FARP1: variants seen among roughly 807,000 people sequenced by gnomAD.
The protein encoded by FARP1 is FERM, ARHGEF and pleckstrin domain-containing protein 1.
Under a neutral mutation model 128.8 loss-of-function variants are expected in FARP1, and 52 were observed. The ratio of observed to expected loss-of-function variants is 0.40; its 90% CI spans 0.32 to 0.51. The LOEUF (loss-of-function observed/expected upper bound fraction) is 0.51, where lower values mean the gene tolerates loss of function less well. Among genes scored for constraint, FARP1 ranks in the 20% least tolerant of loss-of-function variants. The pLI is 0.45. For synonymous variants in FARP1, 580 were observed against 551.8 expected, an observed-to-expected ratio of 1.05 and a Z score of -0.72; for missense variants, 1,333 against 1,367.9, an observed-to-expected ratio of 0.97 and a Z score of 0.40.
intron 1 of FARP1, among the ~76,000 whole-genome samples, chr13:98,192,497 C>T (rs1879301881): frequency 6.6e-6 from 1 of 152,056 alleles, no homozygotes; most frequent in South Asian, 2.1e-4. Flanking sequence ...TCAAGGGATT[C>T]TCCTGCCTCA....
At position 98,176,621 on chromosome 13, in the gene FARP1, C is replaced by A. The variant is rs1878060965; in HGVS notation, c.-24+33129C>A. 6.2e-7 allele frequency: 1 copy of A among 1,614,244 alleles called. No homozygotes were observed. Among genetic ancestry groups the A allele is most frequent in the African/African-American group, 1.3e-5 (1 of 75,068 alleles). On this transcript the variant is annotated intron_variant, in intron 1 of 26. Coordinates refer to ENST00000319562, the MANE Select transcript of FARP1 (RefSeq NM_005766.4). This position sits in a 1 kb window ranked among gnomAD's most constrained non-coding sequence, Gnocchi z 6.2. ...AGGAATTTGCAGCTGTCCCCGAAGC[C>A]ACAGAAGCCAGTCTCCTTGTAGTCC...
chr13:98,310,467 T>G (rs529567350), intron 2 of FARP1, among the ~76,000 whole-genome samples: 14 of 152,332 alleles, frequency 9.2e-5, no homozygotes, highest in Admixed American at 5.2e-4. Context: ...CACATTAGAT[T>G]GAAGAATTTG....
intron 2 of FARP1, among the ~76,000 whole-genome samples, chr13:98,338,329 AG>A (rs557913947): frequency 1.4e-3 from 208 of 152,224 alleles, no homozygotes; most frequent in African/African-American, 4.7e-3. Context: ...CCCTCCCCAA[AG>A]CCCCTGGCAA....
chr13:98,248,834 C>G (rs1883194005), intron 2 of FARP1, among the ~76,000 whole-genome samples: 1 of 151,972 alleles, frequency 6.6e-6, no homozygotes, highest in Non-Finnish European at 1.5e-5. Flanking sequence ...GGTGATTTCA[C>G]TGTTTAAAAT....
intron 1 of FARP1, among the ~76,000 whole-genome samples, chr13:98,166,242 G>A (rs1034995646): frequency 9.2e-5 from 14 of 152,146 alleles, no homozygotes; most frequent in African/African-American, 3.4e-4. Flanking sequence ...ATATTTTGCT[G>A]GTCTAAATGA....
intron 1 of FARP1, among the ~76,000 whole-genome samples, chr13:98,187,873 G>T (rs1245635704): frequency 1.3e-5 from 2 of 152,158 alleles, no homozygotes; most frequent in African/African-American, 4.8e-5. Flanking sequence ...ATTTTAATCT[G>T]CAAAGCATGC....
intron 23 of FARP1, 152 bp from the exon 24 acceptor site, chr13:98,440,518 C>T: frequency 1.4e-6 from 1 of 720,014 alleles, no homozygotes; most frequent in Non-Finnish European, 2.3e-6. Context: ...GTGACTGGAG[C>T]TGCAGGGTCC....
intron 1 of FARP1, among the ~76,000 whole-genome samples, chr13:98,180,898 A>G (rs1160388610): frequency 6.6e-6 from 1 of 152,142 alleles, no homozygotes; most frequent in African/African-American, 2.4e-5. Context: ...TGCCTGCATA[A>G]TGATCAATTG....
At chr13:98,156,512 A>T (rs1299818560) in intron 1 of FARP1, among the ~76,000 whole-genome samples, 1 of 152,072 alleles carries the variant, frequency 6.6e-6, no homozygotes, top group Non-Finnish European at 1.5e-5. Context: ...GGCTCATATG[A>T]TCCTCCCACT....
chr13:98,440,113 C>T lies in FARP1; in HGVS notation c.2517-10C>T. 6.2e-7 allele frequency: 1 copy of T among 1,611,408 alleles called. No homozygotes were observed. The highest frequency in any genetic ancestry group is 1.1e-5 in the South Asian group (1 of 91,022). ...TGTGGCCTGAACACCTGACGCGTCT[C>T]TGTCTCCAGTTCTCGGTCCGAGATG... On this transcript the variant is annotated splice_polypyrimidine_tract_variant and intron_variant, in intron 22 of 26. Coordinates refer to ENST00000319562, the MANE Select transcript of FARP1 (RefSeq NM_005766.4).
intron 13 of FARP1, among the ~76,000 whole-genome samples, chr13:98,408,322 CTTTT>C (rs34532263): frequency 1.8e-4 from 16 of 90,160 alleles, no homozygotes; most frequent in African/African-American, 6.0e-4. Context: ...GTAATATATA[CTTTT>C]TTTTTTTTTT....
At chr13:98,249,588 T>G (rs1398413065) in intron 2 of FARP1, among the ~76,000 whole-genome samples, 1 of 152,210 alleles carries the variant, frequency 6.6e-6, no homozygotes, top group African/African-American at 2.4e-5. Flanking sequence ...CCCCACCATG[T>G]TCTTCACCCA....
At chr13:98,307,749 G>A (rs1188107718) in intron 2 of FARP1, among the ~76,000 whole-genome samples, 1 of 152,140 alleles carries the variant, frequency 6.6e-6, no homozygotes, top group African/African-American at 2.4e-5. Flanking sequence ...TGGAAATAAT[G>A]AAGCCTCTCC....
At chr13:98,306,743 C>T (rs966306683) in intron 2 of FARP1, among the ~76,000 whole-genome samples, 25 of 152,138 alleles carry the variant, frequency 1.6e-4, no homozygotes, top group East Asian at 3.9e-4. Context: ...AGGCTAGCCT[C>T]GAACTCCTGG....
At chr13:98,381,416 T>G (rs2140026055) in intron 6 of FARP1, 1 of 152,378 alleles carries the variant, frequency 6.6e-6, no homozygotes, top group Middle Eastern at 3.4e-3. Context: ...TCGTCTTATT[T>G]TCCTCCCTTC....
intron 2 of FARP1, among the ~76,000 whole-genome samples, chr13:98,218,003 C>A (rs990225718): frequency 6.6e-6 from 1 of 152,064 alleles, no homozygotes; most frequent in Non-Finnish European, 1.5e-5. Flanking sequence ...GAGTCCGGCC[C>A]GCCAGACCCT....
intron 2 of FARP1, among the ~76,000 whole-genome samples, chr13:98,272,611 C>G (rs931008624): frequency 6.6e-6 from 1 of 152,068 alleles, no homozygotes; most frequent in Non-Finnish European, 1.5e-5. Context: ...TTTGCCAGCT[C>G]TAAAATCAGT....
chr13:98,316,584 GT>G (rs952421496), intron 2 of FARP1, among the ~76,000 whole-genome samples: 1 of 152,172 alleles, frequency 6.6e-6, no homozygotes, highest in Admixed American at 6.5e-5. Context: ...TGCCTTTGGG[GT>G]CCCACCTCTT....
At chr13:98,267,209 A>G (rs947461933) in intron 2 of FARP1, among the ~76,000 whole-genome samples, 2 of 152,166 alleles carry the variant, frequency 1.3e-5, no homozygotes, top group African/African-American at 4.8e-5. Context: ...TAACCCTTTG[A>G]TACCGTGGCA....
Sources: allele counts gnomAD v4.1 joint callset (sites outside exome capture counted in the v4.1 genomes callset), GRCh38; gene constraint gnomAD v4.1.1; non-coding constraint Gnocchi (gnomAD v3.1); transcripts MANE v1.5; gene names NCBI Gene and HGNC (gene_info 2026-07-23, HGNC 2026-07-21).